Variants in PLPPR3 observed in about 807,000 individuals in gnomAD.
PLPPR3 encodes the protein phospholipid phosphatase-related protein type 3.
In PLPPR3, 14 loss-of-function variants were observed where a neutral mutation model predicts 27.3. That is an observed-to-expected ratio of 0.51 (90% CI 0.34 to 0.80). The LOEUF (loss-of-function observed/expected upper bound fraction) is 0.80. Among genes scored for constraint, PLPPR3 ranks in the 30% least tolerant of loss-of-function variants. The pLI, the probability that PLPPR3 is intolerant of heterozygous loss-of-function variation, is 0.01. For synonymous variants in PLPPR3, 671 were observed against 508.0 expected (o/e 1.32, Z -4.32); for missense variants, 1,287 against 1,056.9 (o/e 1.22, Z -3.02).
At chr19:816,628 CAT>C in intron 2 of PLPPR3, among the ~76,000 whole-genome samples, 1 of 150,408 alleles carries the variant, frequency 6.6e-6, no homozygotes, top group African/African-American at 2.5e-5. Flanking sequence ...ATCATCCAGC[CAT>C]TCATTCATCT....
chr19:814,404 T>A, intron 7 of PLPPR3, 30 bp downstream of exon 7: 1 of 1,567,488 alleles, frequency 6.4e-7, no homozygotes, highest in Non-Finnish European at 8.6e-7. Context: ...TGGGAACCCA[T>A]GCCGACCCCC....
chr19:813,093 G>T lies in PLPPR3; in HGVS notation c.1634C>A (p.Ala545Asp). The T allele has an allele frequency of 6.7e-7, 1 of 1,501,040 alleles. No homozygotes were observed. Among genetic ancestry groups the T allele is most frequent in the South Asian group, 1.3e-5 (1 of 79,150 alleles). The allele number at this position is 1,501,040 out of a possible 1,614,324, so 93.0% of individuals were successfully genotyped here. ...RLLQVIAMSK[A>D]PGAPGPKAAE... Reference sequence around the variant, plus strand: ...CGCCTTGGGGCCCGGCGCGCCCGGAGCCTTGGACATGGCGATGACCTGCAG... The same window carrying T: ...CGCCTTGGGGCCCGGCGCGCCCGGATCCTTGGACATGGCGATGACCTGCAG... Residue 545 changes from alanine to aspartate, a missense_variant, in exon 8 of 8, where the codon GCT becomes GAT. Physicochemically the swap from Ala to Asp is moderately radical, Grantham distance 126. Coordinates refer to ENST00000520876, the MANE Select transcript of PLPPR3 (RefSeq NM_001270366.2). The surrounding 1 kb of genome is among the most constrained non-coding windows in gnomAD (Gnocchi z 4.1).
At chr19:823,304 T>C (rs142677372), upstream of PLPPR3, among the ~76,000 whole-genome samples, 1,791 of 150,646 alleles carry the variant, frequency 0.012, 37 homozygotes, top group African/African-American at 0.041. Context: ...TAGCCGGACA[T>C]GGTGGCAGGC....
At chr19:821,756 C>G (rs1475155053) in intron 1 of PLPPR3, 159 bp downstream of exon 1, 3 of 391,108 alleles carry the variant, frequency 7.7e-6, no homozygotes. Flanking sequence ...GGCGCCCCTA[C>G]ACCCGGGATC....
Position 813,249 on chromosome 19 carries a change from AGCG to A in PLPPR3, c.1475_1477del (p.Pro492del), listed in dbSNP as rs1304053174. On this transcript the variant is annotated inframe_deletion, in exon 8 of 8. Coordinates refer to ENST00000520876, the MANE Select transcript of PLPPR3 (RefSeq NM_001270366.2). The surrounding 1 kb of genome is among the most constrained non-coding windows in gnomAD (Gnocchi z 4.1). The stretch of plus-strand genomic sequence containing the variant: ...CGCGCCCTCCTCCGGGATGTGCACC[AGCG>A]GCGGCGGCCCCGCGCGCGGTGGGAG... The A allele has an allele frequency of 6.8e-7, 1 of 1,476,894 alleles. No individual in the cohort carries two copies. Among genetic ancestry groups the A allele is most frequent in the Non-Finnish European group, 8.9e-7 (1 of 1,123,730 alleles). The allele number at this position is 1,476,894 out of a possible 1,614,324, so 91.5% of individuals were successfully genotyped here.
chr19:818,237 A>G (rs1013679184), intron 2 of PLPPR3, among the ~76,000 whole-genome samples: 14 of 151,544 alleles, frequency 9.2e-5, no homozygotes, highest in Non-Finnish European at 1.9e-4. Context: ...ACAAAAATTA[A>G]CCCAGCGTGG....
chr19:821,454 T>C, intron 2 of PLPPR3, 31 bp downstream of exon 2: 2 of 1,435,274 alleles, frequency 1.4e-6, no homozygotes, highest in East Asian at 3.3e-5. Context: ...CCGAGGCGTC[T>C]CCCCCGGGCC....
chr19:819,043 C>G lies in PLPPR3; in HGVS notation c.75+2442G>C, dbSNP rs1178586098. Among the ~76,000 whole-genome samples the G allele has an allele frequency of 5.5e-5, 6 of 108,454 alleles. 3 individuals carry two copies. The highest frequency in any genetic ancestry group is 2.0e-4 in the Admixed American group (2 of 9,790). The allele number at this position is 108,454 out of a possible 152,430, so 71.2% of individuals were successfully genotyped here. A position where few individuals can be genotyped will look rare whatever the true frequency, so the allele number is the denominator to read the frequency against. On this transcript the variant is annotated intron_variant, in intron 2 of 7. Coordinates refer to ENST00000520876, the MANE Select transcript of PLPPR3 (RefSeq NM_001270366.2). ...CCAAGCTGGCGTGCAGTGGAACAGT[C>G]TCAGCTCACTGCAACCTCCACCTCC...
Position 812,875 on chromosome 19 carries a change from CGCCG to C in PLPPR3, c.1848_1851del (p.Asp616GlufsTer125). The C allele has an allele frequency of 8.4e-7, 1 of 1,192,694 alleles. No homozygotes were observed. The highest frequency in any genetic ancestry group is 4.8e-5 in the Admixed American group (1 of 20,714). 73.9% of individuals were successfully genotyped at this position (1,192,694 alleles called of 1,614,324 possible). A position where few individuals can be genotyped will look rare whatever the true frequency, so the allele number is the denominator to read the frequency against. On this transcript the variant is annotated frameshift_variant, in exon 8 of 8. Transcript: ENST00000520876. LOFTEE classifies it low-confidence loss of function (END_TRUNC). ...CGCGCCAGGTCCCCCAGCTCGTAGC[CGCCG>C]TCGGCCTCCGCCTTGGCCCCGCCGC...
rs770798987 is a variant in PLPPR3, at chr19:814,585, G to A, written c.680C>T (p.Ser227Leu). The A allele has an allele frequency of 6.8e-6, 11 of 1,611,996 alleles. No homozygotes were observed. Among genetic ancestry groups the A allele is most frequent in the Middle Eastern group, 1.6e-4 (1 of 6,084 alleles). Reference protein sequence around the residue: ...YVSMYFNSVISDTTKLLKPIL... With the variant: ...YVSMYFNSVILDTTKLLKPIL... ...GGGCTTCAGCAGCTTGGTGGTGTCC[G>A]AGATGACCGAGTTGAAGTACATCTG... The change falls in exon 7 of 8, where the codon TCG becomes TTG. Residue 227 changes from serine (S) to leucine (L), a missense_variant. Physicochemically the swap from Ser to Leu is moderately radical, Grantham distance 145. Coordinates refer to ENST00000520876, the MANE Select transcript of PLPPR3 (RefSeq NM_001270366.2).
In PLPPR3 at chr19:818,958, CTTATTATTAT is replaced by C. The variant is rs1352470394; in HGVS notation, c.75+2517_75+2526del. On this transcript the variant is annotated intron_variant, in intron 2 of 7. Transcript: ENST00000520876. ...ACAGGTGTGAGCCACTGCGCTCGGC[CTTATTATTAT>C]TATTTTATTTATTATTATTATTTTT... is the stretch of plus-strand genomic sequence containing the variant. 3.1e-4 allele frequency among the ~76,000 whole-genome samples: 37 copies of C among 120,582 alleles called. 6 individuals are homozygous for C. Among genetic ancestry groups the C allele is most frequent in the African/African-American group, 7.7e-4 (22 of 28,422 alleles). The allele number at this position is 120,582 out of a possible 152,430, so 79.1% of individuals were successfully genotyped here. A position where few individuals can be genotyped will look rare whatever the true frequency, so the allele number is the denominator to read the frequency against.
chr19:813,949 C>A lies in PLPPR3; in HGVS notation c.832-54G>T. ...GCCTGGGGCTCAGAGGGCTCCTCCCCTGTGATCGTTGGACTTGCCGCGGGG... is the reference window on the plus strand; with the variant it reads ...GCCTGGGGCTCAGAGGGCTCCTCCCATGTGATCGTTGGACTTGCCGCGGGG... On this transcript the variant is annotated intron_variant, in intron 7 of 7. Coordinates refer to ENST00000520876, the MANE Select transcript of PLPPR3 (RefSeq NM_001270366.2). The surrounding 1 kb of genome is among the most constrained non-coding windows in gnomAD (Gnocchi z 4.1). The A allele has an allele frequency of 7.1e-7, 1 of 1,409,082 alleles. No individual in the cohort carries two copies. Among genetic ancestry groups the A allele is most frequent in the South Asian group, 1.5e-5 (1 of 64,742 alleles). The allele number at this position is 1,409,082 out of a possible 1,614,324, so 87.3% of individuals were successfully genotyped here.
At position 816,418 on chromosome 19, in the gene PLPPR3, C is replaced by G. The variant is rs538909460; in HGVS notation, c.76-567G>C. Reference sequence around the variant, plus strand: ...CATCATCCATCCACCCATTCTCCACCCATGCACCCACCCACCCATCTACCC... The same window carrying G: ...CATCATCCATCCACCCATTCTCCACGCATGCACCCACCCACCCATCTACCC... On this transcript the variant is annotated intron_variant, in intron 2 of 7. Coordinates refer to ENST00000520876, the MANE Select transcript of PLPPR3 (RefSeq NM_001270366.2). Among the ~76,000 whole-genome samples, 87 of 59,578 alleles carry G rather than the reference C, an allele frequency of 1.5e-3. 1 individual carries two copies. The highest frequency in any genetic ancestry group is 7.6e-3 in the African/African-American group (79 of 10,336). 39.1% of individuals were successfully genotyped at this position (59,578 alleles called of 152,430 possible). A position where few individuals can be genotyped will look rare whatever the true frequency, so the allele number is the denominator to read the frequency against.
chr19:815,698 G>A lies in PLPPR3; in HGVS notation c.229C>T (p.Leu77Phe). The A allele has an allele frequency of 6.2e-7, 1 of 1,605,014 alleles. No individual in the cohort carries two copies. Among genetic ancestry groups the A allele is most frequent in the South Asian group, 1.1e-5 (1 of 90,006 alleles). ...GCAGGGGCCGCGAAGGCCAAGCTGA[G>A]CAGCATCAGCAGCGGGATGAGCTCC... Reference protein sequence around the residue: ...NEELIPLLMLLSLAFAAPAAS... With the variant: ...NEELIPLLMLFSLAFAAPAAS... Residue 77 changes from leucine to phenylalanine, a missense_variant, in exon 3 of 8, where the codon CTC (leucine) becomes TTC (phenylalanine). Coordinates refer to ENST00000520876, the MANE Select transcript of PLPPR3 (RefSeq NM_001270366.2).
rs954837841 is a variant in PLPPR3 at position 813,996 on chromosome 19, G to T, written c.832-101C>A. 3.4e-6 allele frequency: 4 copies of T among 1,164,282 alleles called. No individual in the cohort carries two copies. Among genetic ancestry groups the T allele is most frequent in the Middle Eastern group, 3.0e-4 (1 of 3,342 alleles). 72.1% of individuals were successfully genotyped at this position (1,164,282 alleles called of 1,614,324 possible). On this transcript the variant is annotated intron_variant, in intron 7 of 7. Coordinates refer to ENST00000520876, the MANE Select transcript of PLPPR3 (RefSeq NM_001270366.2). This position sits in a 1 kb window ranked among gnomAD's most constrained non-coding sequence, Gnocchi z 4.1. ...GGGGGGCTCTGGACCGGGGGTGGGG[G>T]CTGGCAAGCTCTTGTCCAGTGGGAC...
At chr19:814,379 C>T (rs964775396) in intron 7 of PLPPR3, 55 bp downstream of exon 7, 46 of 1,510,432 alleles carry the variant, frequency 3.0e-5, no homozygotes, top group Non-Finnish European at 4.0e-5. Flanking sequence ...CTCATGCCTC[C>T]CCCCTCAGAT....
chr19:814,309 CT>C, intron 7 of PLPPR3, 124 bp downstream of exon 7: 1 of 951,882 alleles, frequency 1.1e-6, no homozygotes, highest in Admixed American at 2.7e-5. Context: ...GTCAGACCCC[CT>C]GAGCCTGCCT....
chr19:818,263 G>A (rs572152381), intron 2 of PLPPR3, among the ~76,000 whole-genome samples: 2 of 152,136 alleles, frequency 1.3e-5, no homozygotes, highest in South Asian at 2.1e-4. Context: ...CGTGCCTGTA[G>A]TCTCAGCTAC....
chr19:821,076 G>C (rs983361580), intron 2 of PLPPR3, among the ~76,000 whole-genome samples: 1 of 152,162 alleles, frequency 6.6e-6, no homozygotes, highest in African/African-American at 2.4e-5. Flanking sequence ...GAGGTTAGGG[G>C]CAGGGCACCA....
Sources: allele counts gnomAD v4.1 joint callset (sites outside exome capture counted in the v4.1 genomes callset), GRCh38; gene constraint gnomAD v4.1.1; non-coding constraint Gnocchi (gnomAD v3.1); transcripts MANE v1.5; gene names NCBI Gene and HGNC (gene_info 2026-07-23, HGNC 2026-07-21).